C10orf105: variants seen among roughly 807,000 people sequenced by gnomAD.
C10orf105 encodes chromosome 10 open reading frame 105, also known as uncharacterized protein C10orf105.
A neutral mutation model predicts 0.6 loss-of-function variants in C10orf105; 2 were observed. That is an observed-to-expected ratio of 3.18 (90% CI 1.30 to 10.01). The LOEUF is 10.01. Ranked by LOEUF, C10orf105 falls within the 30% of genes most tolerant of loss-of-function variation. The probability of loss-of-function intolerance (pLI) is 0.04; values close to 1 mark genes in which losing one functional copy is unlikely to be tolerated. For synonymous variants in C10orf105, 95 were observed against 82.4 expected, an observed-to-expected ratio of 1.15 and a Z score of -0.83; for missense variants, 209 against 191.4, an observed-to-expected ratio of 1.09 and a Z score of -0.54.
Position 71,725,363 on chromosome 10 carries a change from T to C in C10orf105, c.-5-9021A>G, listed in dbSNP as rs375278975. On this transcript the variant is annotated intron_variant, in intron 1 of 1. Coordinates refer to the C10orf105 transcript ENST00000398786. ...GCCGGTGTTCCAGGGGGTCTGTCCC[T>C]CCACACAGGTAACCATGGCAACAAC... 1.3e-5 allele frequency: 21 copies of C among 1,613,792 alleles called. No individual in the cohort carries two copies. In the African/African-American group the frequency reaches 2.1e-4, roughly 16 times the overall value.
chr10:71,735,590 C>T (rs1839541004), intron 1 of C10orf105, among the ~76,000 whole-genome samples: 1 of 152,210 alleles, frequency 6.6e-6, no homozygotes, highest in South Asian at 2.1e-4. Flanking sequence ...GGCTCCTCAT[C>T]AGCCTTGGTT....
chr10:71,734,629 C>G, intron 1 of C10orf105: 2 of 1,526,556 alleles, frequency 1.3e-6, no homozygotes, highest in Non-Finnish European at 1.8e-6. Context: ...TCTCTCACTC[C>G]CCTCCTGCTG....
At chr10:71,717,283 A>C (rs772647647) in intron 1 of C10orf105, 9 of 152,196 alleles carry the variant, frequency 5.9e-5, no homozygotes, top group Non-Finnish European at 1.0e-4. Context: ...CCAAGGCCAC[A>C]TTGTGAGCCA....
Position 71,715,035 on chromosome 10 carries a change from T to A in C10orf105, c.*901A>T, listed in dbSNP as rs995147566. 2 of 152,254 alleles carry A rather than the reference T, an allele frequency of 1.3e-5. No homozygotes were observed. The highest frequency in any genetic ancestry group is 4.8e-5 in the African/African-American group (2 of 41,440). 9.4% of individuals were successfully genotyped at this position (152,254 alleles called of 1,614,324 possible). On this transcript the variant is annotated 3_prime_UTR_variant, in exon 2 of 2. Transcript: ENST00000441508. Reference sequence around the variant, plus strand: ...ATAGCATCCCTAGTGTGGGCAGGACTTGGGACCCCACAGCTGTCCTGGAGA... The same window carrying A: ...ATAGCATCCCTAGTGTGGGCAGGACATGGGACCCCACAGCTGTCCTGGAGA...
At chr10:71,724,771 C>T (rs540023671), upstream of C10orf105, among the ~76,000 whole-genome samples, 15 of 152,356 alleles carry the variant, frequency 9.8e-5, no homozygotes, top group African/African-American at 2.9e-4. Context: ...CTGAACCAAT[C>T]GCTATGGCCA....
At chr10:71,718,067 A>AACCTTGGGGTCTTTCCTTTT (rs1866366836) in intron 1 of C10orf105, among the ~76,000 whole-genome samples, 1 of 152,158 alleles carries the variant, frequency 6.6e-6, no homozygotes, top group Admixed American at 6.5e-5. Flanking sequence ...ATTTCCCTTT[A>AACCTTGGGGTCTTTCCTTTT]ACCTTGGGGT....
chr10:71,718,686 A>G (rs1224207945), intron 1 of C10orf105, among the ~76,000 whole-genome samples: 1 of 152,186 alleles, frequency 6.6e-6, no homozygotes, highest in African/African-American at 2.4e-5. Context: ...TTCTAATGTT[A>G]TTTCAAGGCC....
Position 71,730,486 on chromosome 10 carries a change from G to A in C10orf105, c.-6+7242C>T, listed in dbSNP as rs1408214492. ...TCCCACAGGTGATTGTGTACGTGGA[G>A]GACATCAACGATGAGGCCCCCGTGT... On this transcript the variant is annotated intron_variant, in intron 1 of 1. Coordinates refer to the C10orf105 transcript ENST00000398786. The A allele has an allele frequency of 6.2e-6, 10 of 1,613,820 alleles. No homozygotes were observed. The highest frequency in any genetic ancestry group is 1.3e-5 in the African/African-American group (1 of 75,040).
intron 1 of C10orf105, among the ~76,000 whole-genome samples, chr10:71,731,005 G>T (rs1839360543): frequency 6.6e-6 from 1 of 152,240 alleles, no homozygotes; most frequent in South Asian, 2.1e-4. Context: ...ACCAGCTCAG[G>T]GCCTAGCACA....
At chr10:71,734,574 G>A in intron 1 of C10orf105, 3 of 1,604,408 alleles carry the variant, frequency 1.9e-6, no homozygotes, top group Middle Eastern at 1.7e-4. Flanking sequence ...CGGGAGTGGG[G>A]TCTGGAAGAG....
intron 1 of C10orf105, among the ~76,000 whole-genome samples, chr10:71,737,002 C>T (rs1839584786): frequency 6.6e-6 from 1 of 152,086 alleles, no homozygotes; most frequent in Non-Finnish European, 1.5e-5. Flanking sequence ...GCACAAAAGC[C>T]CTGTGGTGTG....
At chr10:71,727,766 A>G (rs1052900866) in intron 1 of C10orf105, among the ~76,000 whole-genome samples, 3 of 152,220 alleles carry the variant, frequency 2.0e-5, no homozygotes, top group Non-Finnish European at 4.4e-5. Context: ...AAAGCACTGC[A>G]CTGGCACAGC....
At position 71,714,499 on chromosome 10, in the gene C10orf105, CAGTA is replaced by C. The variant is rs962311060; in HGVS notation, c.*1433_*1436del. ...TTTCCTCCCCAAGAGAGGTAGGAGA[CAGTA>C]GGGGCGGCTCCAGGCAGGAGGGCTT... On this transcript the variant is annotated 3_prime_UTR_variant, in exon 2 of 2. Coordinates refer to ENST00000441508, the MANE Select transcript of C10orf105 (RefSeq NM_001164375.3). 6.6e-6 allele frequency: 1 copy of C among 152,188 alleles called. No individual in the cohort carries two copies. 9.4% of individuals were successfully genotyped at this position (152,188 alleles called of 1,614,324 possible).
At chr10:71,724,093 C>T (rs1028372084), upstream of C10orf105, 8 of 1,558,658 alleles carry the variant, frequency 5.1e-6, no homozygotes, top group South Asian at 2.4e-5. Flanking sequence ...TGTGTGGTAC[C>T]GCATCCTCCA....
Position 71,714,050 on chromosome 10 carries a change from GC to G in C10orf105, c.*1885del, listed in dbSNP as rs1209674079. 3 of 152,094 alleles carry G rather than the reference GC, an allele frequency of 2.0e-5. No individual in the cohort carries two copies. The highest frequency in any genetic ancestry group is 7.2e-5 in the African/African-American group (3 of 41,404). 9.4% of individuals were successfully genotyped at this position (152,094 alleles called of 1,614,324 possible). ...CCTAGAGCCAGCGAGTTAATATAGGGCAGCCCTGAGTTCTCCCATTTCTCAG... is the reference window on the plus strand; with the variant it reads ...CCTAGAGCCAGCGAGTTAATATAGGGAGCCCTGAGTTCTCCCATTTCTCAG... On this transcript the variant is annotated 3_prime_UTR_variant, in exon 2 of 2. Transcript: ENST00000441508.
chr10:71,732,554 C>T (rs1839428072), intron 1 of C10orf105: 1 of 1,315,758 alleles, frequency 7.6e-7, no homozygotes, highest in African/African-American at 1.5e-5. Flanking sequence ...ATTGCTTCAG[C>T]TCAGGAGTTT....
chr10:71,732,291 C>T lies in C10orf105; in HGVS notation c.-6+5437G>A, dbSNP rs754263998. On this transcript the variant is annotated intron_variant, in intron 1 of 1. Coordinates refer to the C10orf105 transcript ENST00000398786. ...TTGTGCGGGTCCAGGCCTACTCCATCGACAACCTCAACCAAATCACGTACC... is the reference window on the plus strand; with the variant it reads ...TTGTGCGGGTCCAGGCCTACTCCATTGACAACCTCAACCAAATCACGTACC... 6.8e-6 allele frequency: 11 copies of T among 1,612,716 alleles called. No homozygotes were observed. In the South Asian group the frequency reaches 7.7e-5, roughly 11 times the overall value.
At chr10:71,720,357 C>G (rs916873034), upstream of C10orf105, among the ~76,000 whole-genome samples, 1 of 151,952 alleles carries the variant, frequency 6.6e-6, no homozygotes. Flanking sequence ...GACGGACCTC[C>G]AAGGCCATGC....
intron 1 of C10orf105, among the ~76,000 whole-genome samples, chr10:71,726,390 G>T (rs577552062): frequency 6.6e-6 from 1 of 152,298 alleles, no homozygotes; most frequent in South Asian, 2.1e-4. Flanking sequence ...AATGAGCGGT[G>T]GTCACCGGGT....
Sources: gnomAD v4.1 joint callset for allele counts (sites outside exome capture counted in the v4.1 genomes callset) on GRCh38, gnomAD v4.1.1 for gene constraint, MANE v1.5 for transcripts, NCBI Gene and HGNC (gene_info 2026-07-23, HGNC 2026-07-21) for gene names.